AP2B1: variants seen among roughly 807,000 people sequenced by gnomAD.
AP2B1 encodes AP-2 complex subunit beta.
AP2B1 carries 23 observed loss-of-function variants against 102.0 expected under a neutral mutation model. That is an observed-to-expected ratio of 0.23 (90% CI 0.16 to 0.32). The LOEUF is 0.32. Among genes scored for constraint, AP2B1 ranks in the 10% least tolerant of loss-of-function variants. AP2B1 has a pLI of 1.00. For synonymous variants in AP2B1, 381 were observed against 421.2 expected (o/e 0.90, Z 1.17); for missense variants, 541 against 1,157.4 (o/e 0.47, Z 7.73).
intron 21 of AP2B1, among the ~76,000 whole-genome samples, chr17:35,721,359 G>A (rs1555593077): frequency 6.6e-6 from 1 of 152,128 alleles, no homozygotes; most frequent in African/African-American, 2.4e-5. Flanking sequence ...GTTTGGACTG[G>A]ATTCCTGAAT....
rs1378297348 is a variant in AP2B1, at chr17:35,608,240, C to T, written c.378C>T (p.Leu126=). The change falls in exon 5 of 22, where the codon CTC becomes CTT. Residue 126 remains leucine (L), a synonymous_variant. Transcript: ENST00000610402. ...TTACAGAATATCTCTGTGAGCCGCT[C>T]CGCAAGTGCTTGAAGGATGAGGATC... is the stretch of plus-strand genomic sequence containing the variant. ...DKITEYLCEP[L]RKCLKDEDPY... 1.9e-6 allele frequency: 3 copies of T among 1,614,158 alleles called. No homozygotes were observed. The highest frequency in any genetic ancestry group is 2.5e-6 in the Non-Finnish European group (3 of 1,180,040).
chr17:35,598,473 A>C (rs901262724), intron 3 of AP2B1, 138 bp downstream of exon 3: 1 of 519,936 alleles, frequency 1.9e-6, no homozygotes, highest in Non-Finnish European at 3.4e-6. Context: ...CATCATTAGG[A>C]AGTGCAGTTG....
At chr17:35,655,772 A>G (rs1246185825) in intron 13 of AP2B1, among the ~76,000 whole-genome samples, 2 of 152,336 alleles carry the variant, frequency 1.3e-5, no homozygotes, top group Non-Finnish European at 2.9e-5. Flanking sequence ...TATGAGTTCC[A>G]TACATCTATC....
intron 18 of AP2B1, among the ~76,000 whole-genome samples, chr17:35,697,230 T>C (rs1479082919): frequency 1.2e-4 from 18 of 152,250 alleles, no homozygotes; most frequent in Non-Finnish European, 1.6e-4. Context: ...TAGAAGCTGT[T>C]GCTTCCTTGA....
At position 35,605,959 on chromosome 17, in the gene AP2B1, T is replaced by C. The variant is rs979687261; in HGVS notation, c.279+119T>C. On this transcript the variant is annotated intron_variant, in intron 4 of 21. Coordinates refer to ENST00000610402, the MANE Select transcript of AP2B1 (RefSeq NM_001030006.2). ...CTAGGAATGTTCATGTTTTAAGCAT[T>C]CTGTATACCAGTGTGTGTCATCCAG... 5 of 1,458,090 alleles carry C rather than the reference T, an allele frequency of 3.4e-6. No individual in the cohort carries two copies. The African/African-American group carries it at 5.7e-5, about 17-fold the overall frequency. 90.3% of individuals were successfully genotyped at this position (1,458,090 alleles called of 1,614,324 possible). A position where few individuals can be genotyped will look rare whatever the true frequency, so the allele number is the denominator to read the frequency against.
intron 6 of AP2B1, among the ~76,000 whole-genome samples, chr17:35,626,212 T>A (rs529162706): frequency 6.6e-6 from 1 of 152,208 alleles, no homozygotes; most frequent in Non-Finnish European, 1.5e-5. Flanking sequence ...TCTCTTCCTA[T>A]GAAATAACTC....
chr17:35,654,118 G>A (rs1051528932), intron 13 of AP2B1, among the ~76,000 whole-genome samples: 1 of 151,416 alleles, frequency 6.6e-6, no homozygotes, highest in African/African-American at 2.4e-5. Context: ...CTAGAGTGCA[G>A]TAGCACAACC....
chr17:35,600,943 C>G (rs1385075594), intron 3 of AP2B1: 5 of 951,626 alleles, frequency 5.3e-6, no homozygotes, highest in Non-Finnish European at 6.3e-6. Context: ...CCAGGTGCTG[C>G]TCTTCTGAGG....
chr17:35,683,531 A>G (rs1350754744), intron 18 of AP2B1, among the ~76,000 whole-genome samples: 1 of 152,246 alleles, frequency 6.6e-6, no homozygotes, highest in Non-Finnish European at 1.5e-5. Context: ...TAAGTATAAC[A>G]GCATCTTAGA....
intron 4 of AP2B1, among the ~76,000 whole-genome samples, chr17:35,606,142 A>C (rs1295658487): frequency 6.6e-6 from 1 of 152,054 alleles, no homozygotes; most frequent in African/African-American, 2.4e-5. Context: ...GGCTTTACCT[A>C]TTTTATCTTT....
chr17:35,698,346 G>A (rs1017464341), intron 18 of AP2B1, among the ~76,000 whole-genome samples: 6 of 152,044 alleles, frequency 3.9e-5, no homozygotes, highest in Non-Finnish European at 7.4e-5. Context: ...TTCTCACACT[G>A]TCTCCCAGGC....
rs587687952 is a variant in AP2B1 at position 35,694,214 on chromosome 17, T to C, written c.2454+11390T>C. Among the ~76,000 whole-genome samples the C allele has an allele frequency of 5.3e-5, 8 of 152,262 alleles. No individual in the cohort carries two copies. In the East Asian group the frequency reaches 1.5e-3, roughly 29 times the overall value. On this transcript the variant is annotated intron_variant, in intron 18 of 21. Coordinates refer to ENST00000610402, the MANE Select transcript of AP2B1 (RefSeq NM_001030006.2). ...AGTTTTCTAGTCTTGCCTTCACGAT[T>C]TTTTGATTCAATACAGTATGTATTA...
chr17:35,673,129 T>A (rs988461908), intron 16 of AP2B1, among the ~76,000 whole-genome samples: 1 of 152,220 alleles, frequency 6.6e-6, no homozygotes, highest in Non-Finnish European at 1.5e-5. Context: ...TATGGCTGAG[T>A]ACATTATCAT....
At position 35,710,331 on chromosome 17, in the gene AP2B1, T is replaced by C. The variant is rs587773780; in HGVS notation, c.2626+11T>C. The C allele has an allele frequency of 1.7e-5, 26 of 1,543,472 alleles. No homozygotes were observed. The African/African-American group carries it at 2.0e-4, about 12-fold the overall frequency. On this transcript the variant is annotated intron_variant, in intron 20 of 21. Transcript: ENST00000610402. ...GTCATTTAAATGCTGGTGAGTAATA[T>C]ACTCTAAATTTCAGTTTCATCTTAG... is the stretch of plus-strand genomic sequence containing the variant.
intron 14 of AP2B1, among the ~76,000 whole-genome samples, chr17:35,658,280 TTC>T (rs1195367729): frequency 4.5e-4 from 18 of 40,184 alleles, no homozygotes; most frequent in Admixed American, 1.4e-3. Flanking sequence ...TTTCTTCTTC[TTC>T]TTTTTTTTTT....
chr17:35,607,809 C>T, intron 4 of AP2B1: 1 of 138,808 alleles, frequency 7.2e-6, no homozygotes, highest in Admixed American at 7.9e-5. Flanking sequence ...TGCCGGAATA[C>T]AAGCCCAAAA....
At chr17:35,645,210 A>T (rs73990226) in intron 12 of AP2B1, among the ~76,000 whole-genome samples, 6,773 of 152,272 alleles carry the variant, frequency 0.044, 179 homozygotes, top group African/African-American at 0.07. Context: ...TTAAATTGGT[A>T]TATGTGCTGC....
At chr17:35,713,006 G>A (rs2076482452) in intron 20 of AP2B1, among the ~76,000 whole-genome samples, 2 of 152,178 alleles carry the variant, frequency 1.3e-5, no homozygotes, top group South Asian at 4.1e-4. Context: ...AGAAGTTGGG[G>A]TGACTGAGGA....
At chr17:35,642,289 A>G (rs2074804234) in intron 12 of AP2B1, among the ~76,000 whole-genome samples, 1 of 118,176 alleles carries the variant, frequency 8.5e-6, no homozygotes, top group African/African-American at 3.1e-5. Context: ...CTGTGACTTC[A>G]TTTCAGCTTT....
Sources: gnomAD v4.1 joint callset for allele counts (sites outside exome capture counted in the v4.1 genomes callset) on GRCh38, gnomAD v4.1.1 for gene constraint, MANE v1.5 for transcripts, NCBI Gene and HGNC (gene_info 2026-07-23, HGNC 2026-07-21) for gene names.